The following TAOK3 variants were observed in gnomAD, a reference collection of about 807,000 sequenced individuals.
TAOK3 encodes serine/threonine-protein kinase TAO3.
In TAOK3, 40 loss-of-function variants were observed where a neutral mutation model predicts 120.4. The observed-to-expected ratio is 0.33, with a 90% CI of 0.26 to 0.43. TAOK3 has a LOEUF of 0.43. Among genes scored for constraint, TAOK3 ranks in the 20% least tolerant of loss-of-function variants. TAOK3 has a pLI of 1.00. For synonymous variants in TAOK3, 355 were observed against 387.5 expected (o/e 0.92, Z 0.99); for missense variants, 821 against 1,112.1 (o/e 0.74, Z 3.72).
intron 1 of TAOK3, among the ~76,000 whole-genome samples, chr12:118,331,110 C>T (rs1203034926): frequency 1.3e-5 from 2 of 152,092 alleles, no homozygotes; most frequent in Non-Finnish European, 2.9e-5. Flanking sequence ...TAAACAGTGA[C>T]TAATTACTAG....
At chr12:118,201,080 G>T in intron 12 of TAOK3, 1 of 402,106 alleles carries the variant, frequency 2.5e-6, no homozygotes, top group Non-Finnish European at 4.4e-6. Context: ...TCCCCATGAT[G>T]GACCCCTGCA....
intron 2 of TAOK3, among the ~76,000 whole-genome samples, chr12:118,263,626 T>C (rs1282920170): frequency 6.6e-6 from 1 of 152,144 alleles, no homozygotes; most frequent in Non-Finnish European, 1.5e-5. Flanking sequence ...ACATAAAGAA[T>C]TGTCAAAACT....
chr12:118,208,408 G>A (rs2038445599), intron 11 of TAOK3, among the ~76,000 whole-genome samples: 1 of 115,214 alleles, frequency 8.7e-6, no homozygotes, highest in Non-Finnish European at 1.8e-5. Context: ...CATAAAGAAT[G>A]TCAAAAGAGA....
In TAOK3 at chr12:118,212,920, T is replaced by A. The variant is rs375793737; in HGVS notation, c.813A>T (p.Leu271=). 26 of 1,608,212 alleles carry A rather than the reference T, an allele frequency of 1.6e-5. No homozygotes were observed. The African/African-American group carries it at 3.3e-4, about 21-fold the overall frequency. Residue 271 remains leucine, a synonymous_variant, in exon 11 of 21, where the codon CTA becomes CTT. Coordinates refer to ENST00000392533, the MANE Select transcript of TAOK3 (RefSeq NM_016281.4). ...IPQERPTSAE[L]LRHDFVRRDR... Reference sequence around the variant, plus strand: ...TATAAATTTGAAAAATTACCCTTAATAGTTCTGCTGATGTTGGCCTTTCCT... The same window carrying A: ...TATAAATTTGAAAAATTACCCTTAAAAGTTCTGCTGATGTTGGCCTTTCCT...
chr12:118,336,402 A>G (rs1026075999), intron 1 of TAOK3, among the ~76,000 whole-genome samples: 2 of 152,204 alleles, frequency 1.3e-5, no homozygotes, highest in African/African-American at 4.8e-5. Context: ...GAACATAGGC[A>G]AAAAAATAAA....
chr12:118,166,857 C>T (rs1339301301), intron 17 of TAOK3, among the ~76,000 whole-genome samples: 1 of 151,234 alleles, frequency 6.6e-6, no homozygotes, highest in African/African-American at 2.4e-5. Context: ...TACACACACA[C>T]ACACACACAC....
At chr12:118,186,027 T>C (rs996875791) in intron 14 of TAOK3, among the ~76,000 whole-genome samples, 10 of 152,218 alleles carry the variant, frequency 6.6e-5, no homozygotes, top group Non-Finnish European at 1.2e-4. Flanking sequence ...CTCATATTTT[T>C]ATTTTTAGGT....
At position 118,256,613 on chromosome 12, in the gene TAOK3, C is replaced by G. The variant is rs184451711; in HGVS notation, c.-88-958G>C. 1.2e-4 allele frequency among the ~76,000 whole-genome samples: 18 copies of G among 152,204 alleles called. No individual in the cohort carries two copies. The East Asian group carries it at 3.5e-3, about 29-fold the overall frequency. ...AAGTATTGGCTGCAACATGAATGAA[C>G]CTTGTAAAAATTATGCCAAATGAAA... On this transcript the variant is annotated intron_variant, in intron 2 of 20. Transcript: ENST00000392533.
chr12:118,288,371 G>T (rs1302535516), intron 1 of TAOK3, among the ~76,000 whole-genome samples: 1 of 152,006 alleles, frequency 6.6e-6, no homozygotes, highest in Non-Finnish European at 1.5e-5. Flanking sequence ...AAGGTTAAAT[G>T]AGGTCATATG....
At chr12:118,329,057 G>C (rs964910472) in intron 1 of TAOK3, among the ~76,000 whole-genome samples, 6 of 152,104 alleles carry the variant, frequency 3.9e-5, no homozygotes, top group African/African-American at 1.4e-4. Flanking sequence ...CACACTTAAA[G>C]GGTATTTAAC....
At chr12:118,156,838 A>G (rs1418690277) in intron 19 of TAOK3, among the ~76,000 whole-genome samples, 1 of 151,956 alleles carries the variant, frequency 6.6e-6, no homozygotes, top group African/African-American at 2.4e-5. Context: ...CCTGGGTCCA[A>G]GCGATTCTCC....
At chr12:118,226,914 T>C (rs947783895) in intron 9 of TAOK3, among the ~76,000 whole-genome samples, 1 of 152,214 alleles carries the variant, frequency 6.6e-6, no homozygotes, top group Non-Finnish European at 1.5e-5. Flanking sequence ...TGTCAACTGC[T>C]GTTGACATTT....
chr12:118,241,147 C>T (rs2040233133), intron 5 of TAOK3, among the ~76,000 whole-genome samples: 2 of 150,148 alleles, frequency 1.3e-5, no homozygotes, highest in Non-Finnish European at 1.5e-5. Flanking sequence ...TAGTATGTAC[C>T]TTGCATTTCT....
At chr12:118,231,804 T>A (rs974051607) in intron 9 of TAOK3, among the ~76,000 whole-genome samples, 3 of 151,662 alleles carry the variant, frequency 2.0e-5, no homozygotes, top group Non-Finnish European at 4.4e-5. Context: ...ATGCCTGTAA[T>A]CCCAGCTACT....
chr12:118,274,888 C>A (rs1293039061), intron 1 of TAOK3, among the ~76,000 whole-genome samples: 1 of 151,760 alleles, frequency 6.6e-6, no homozygotes, highest in South Asian at 2.1e-4. Flanking sequence ...GGATTACAGG[C>A]GTAAGCCACC....
At chr12:118,226,375 C>CA (rs950843563) in intron 9 of TAOK3, among the ~76,000 whole-genome samples, 6 of 145,938 alleles carry the variant, frequency 4.1e-5, no homozygotes, top group African/African-American at 1.0e-4. Flanking sequence ...GACTCCGTCT[C>CA]AAAAAAAAAT....
chr12:118,208,134 T>G (rs938352906), intron 11 of TAOK3, among the ~76,000 whole-genome samples: 21 of 152,234 alleles, frequency 1.4e-4, no homozygotes, highest in African/African-American at 4.8e-4. Context: ...CTAATTACAT[T>G]ATTTTTACAT....
chr12:118,242,539 C>T (rs993081511), intron 5 of TAOK3, among the ~76,000 whole-genome samples: 1 of 152,070 alleles, frequency 6.6e-6, no homozygotes, highest in Non-Finnish European at 1.5e-5. Flanking sequence ...AATGTGCCAA[C>T]CTAAAACCAG....
chr12:118,187,399 A>G (rs1302088421), intron 14 of TAOK3, among the ~76,000 whole-genome samples: 1 of 152,156 alleles, frequency 6.6e-6, no homozygotes, highest in Non-Finnish European at 1.5e-5. Context: ...AACAGAATTC[A>G]TAATATATTT....
Sources: allele counts gnomAD v4.1 joint callset (sites outside exome capture counted in the v4.1 genomes callset), GRCh38; gene constraint gnomAD v4.1.1; transcripts MANE v1.5; gene names NCBI Gene and HGNC (gene_info 2026-07-23, HGNC 2026-07-21).